Variants in MON2 observed in about 807,000 individuals in gnomAD.
MON2 encodes the protein protein MON2 homolog.
MON2 carries 84 observed loss-of-function variants against 208.6 expected under a neutral mutation model. The observed-to-expected ratio is 0.40, with a 90% confidence interval of 0.34 to 0.48. MON2 has a LOEUF of 0.48. Among genes scored for constraint, MON2 ranks in the 20% least tolerant of loss-of-function variants. The pLI, the probability that MON2 is intolerant of heterozygous loss-of-function variation, is 0.59. For synonymous variants in MON2, 660 were observed against 694.0 expected, an observed-to-expected ratio of 0.95 and a Z score of 0.77; for missense variants, 1,611 against 2,015.4, an observed-to-expected ratio of 0.80 and a Z score of 3.84.
At chr12:62,505,338 A>G (rs894117534) in intron 7 of MON2, among the ~76,000 whole-genome samples, 4 of 152,220 alleles carry the variant, frequency 2.6e-5, no homozygotes, top group African/African-American at 7.2e-5. Context: ...TGTTCCTGGC[A>G]TATAGTTGCT....
chr12:62,467,761 T>C (rs778304776), intron 1 of MON2, among the ~76,000 whole-genome samples: 1 of 152,220 alleles, frequency 6.6e-6, no homozygotes, highest in Non-Finnish European at 1.5e-5. Context: ...ATCATTCAGC[T>C]TAACTCTGTA....
intron 8 of MON2, among the ~76,000 whole-genome samples, chr12:62,510,379 A>C (rs766075894): frequency 6.6e-6 from 1 of 152,222 alleles, no homozygotes; most frequent in African/African-American, 2.4e-5. Flanking sequence ...GATTAAAAAA[A>C]TTCTCAAGAA....
At chr12:62,575,659 A>G (rs1592442782) in intron 30 of MON2, among the ~76,000 whole-genome samples, 2 of 152,232 alleles carry the variant, frequency 1.3e-5, no homozygotes, top group African/African-American at 2.4e-5. Context: ...TTGATCTGCA[A>G]GATGCTTTGG....
chr12:62,552,026 A>C (rs1396468538), intron 23 of MON2, among the ~76,000 whole-genome samples: 1 of 152,164 alleles, frequency 6.6e-6, no homozygotes, highest in African/African-American at 2.4e-5. Context: ...TTTCTTGTCA[A>C]TATTACCTAA....
In MON2 at chr12:62,537,531, G is replaced by T. The variant is rs143100610; in HGVS notation, c.2014-71G>T. On this transcript the variant is annotated intron_variant, in intron 15 of 34. Transcript: ENST00000393630. ...TAAAAAAATCTTTTAACACATTAATGCTACTTTATAAGCTTTTAATTTTTA... is the reference window on the plus strand; with the variant it reads ...TAAAAAAATCTTTTAACACATTAATTCTACTTTATAAGCTTTTAATTTTTA... 9.0e-4 allele frequency: 1,049 copies of T among 1,167,400 alleles called. 7 individuals are homozygous for T. The African/African-American group carries it at 0.014, about 16-fold the overall frequency. The allele number at this position is 1,167,400 out of a possible 1,614,324, so 72.3% of individuals were successfully genotyped here.
At chr12:62,538,041 G>A (rs1467862882) in intron 16 of MON2, 55 bp from the exon 17 acceptor site, 5 of 1,470,658 alleles carry the variant, frequency 3.4e-6, no homozygotes, top group Non-Finnish European at 4.7e-6. Context: ...TTTAGTTATT[G>A]GACCTTTTAT....
At chr12:62,490,849 C>T (rs1241159109) in intron 2 of MON2, among the ~76,000 whole-genome samples, 1 of 152,114 alleles carries the variant, frequency 6.6e-6, no homozygotes, top group Non-Finnish European at 1.5e-5. Context: ...ATTTCTATTA[C>T]TATCGTAAGT....
intron 11 of MON2, among the ~76,000 whole-genome samples, chr12:62,527,482 A>G (rs2072392761): frequency 6.6e-6 from 1 of 152,174 alleles, no homozygotes; most frequent in Non-Finnish European, 1.5e-5. Context: ...TTTGCCTTGT[A>G]CAAAAGGTAA....
At chr12:62,512,834 C>A (rs2071482311) in intron 8 of MON2, among the ~76,000 whole-genome samples, 1 of 152,222 alleles carries the variant, frequency 6.6e-6, no homozygotes, top group African/African-American at 2.4e-5. Flanking sequence ...CCAGATGTTT[C>A]CATACATCTT....
chr12:62,543,243 T>C, intron 20 of MON2, 45 bp downstream of exon 20: 1 of 1,042,822 alleles, frequency 9.6e-7, no homozygotes, highest in Non-Finnish European at 1.4e-6. Context: ...AATAAACATT[T>C]GCACACTGAG....
intron 7 of MON2, among the ~76,000 whole-genome samples, chr12:62,507,849 G>C (rs533945925): frequency 5.9e-5 from 9 of 152,226 alleles, no homozygotes; most frequent in Admixed American, 3.9e-4. Context: ...GCTAACTGCA[G>C]CCTTGACCTC....
At chr12:62,590,118 T>C (rs913441260) in intron 34 of MON2, among the ~76,000 whole-genome samples, 1 of 152,206 alleles carries the variant, frequency 6.6e-6, no homozygotes, top group Admixed American at 6.5e-5. Context: ...TGAGACAGGC[T>C]CTTGCTCTGT....
At chr12:62,470,698 C>T (rs2068751734) in intron 1 of MON2, 2 of 1,139,416 alleles carry the variant, frequency 1.8e-6, no homozygotes, top group East Asian at 7.9e-5. Flanking sequence ...TTCCTATTTG[C>T]AGGTACAGAT....
rs754666160 is a variant in MON2, at chr12:62,595,893, G to A, written c.*3144G>A. On this transcript the variant is annotated 3_prime_UTR_variant, in exon 35 of 35. Transcript: ENST00000393630. Reference sequence around the variant, plus strand: ...TTGTTTTTTCCATTATATGGTTATCGATTCAACTCTTGCTATATTCCTTAA... The same window carrying A: ...TTGTTTTTTCCATTATATGGTTATCAATTCAACTCTTGCTATATTCCTTAA... The A allele has an allele frequency of 3.3e-5, 5 of 151,972 alleles. No individual in the cohort carries two copies. The highest frequency in any genetic ancestry group is 4.8e-5 in the African/African-American group (2 of 41,364). 9.4% of individuals were successfully genotyped at this position (151,972 alleles called of 1,614,324 possible). A position where few individuals can be genotyped will look rare whatever the true frequency, so the allele number is the denominator to read the frequency against.
chr12:62,537,843 A>T, intron 16 of MON2, 137 bp downstream of exon 16: 1 of 740,492 alleles, frequency 1.4e-6, no homozygotes, highest in Admixed American at 3.0e-5. Flanking sequence ...GAAGTTAGAA[A>T]GGGAAAAAGA....
Position 62,513,696 on chromosome 12 carries a change from C to A in MON2, c.984+5216C>A, listed in dbSNP as rs2071535121. ...GTGTGGTGGCTCACGCCTGTAATCC[C>A]AGCACTTTGGGAGGCTGAGGCAGGC... On this transcript the variant is annotated intron_variant, in intron 8 of 34. Transcript: ENST00000393630. Among the ~76,000 whole-genome samples, 2 of 148,728 alleles carry A rather than the reference C, an allele frequency of 1.3e-5. 1 individual carries two copies. Among genetic ancestry groups the A allele is most frequent in the Non-Finnish European group, 3.0e-5 (2 of 66,684 alleles).
chr12:62,565,880 T>C (rs1245714331), intron 27 of MON2, 134 bp from the exon 28 acceptor site: 1 of 743,114 alleles, frequency 1.3e-6, no homozygotes, highest in Non-Finnish European at 2.1e-6. Context: ...TTTAAGTAAA[T>C]TTCTGAATGC....
intron 1 of MON2, among the ~76,000 whole-genome samples, chr12:62,474,955 A>G (rs1199003363): frequency 1.3e-5 from 2 of 152,196 alleles, no homozygotes; most frequent in African/African-American, 2.4e-5. Flanking sequence ...TCCAGATTCT[A>G]TTAGTAACAT....
intron 34 of MON2, chr12:62,588,938 T>G: frequency 7.2e-7 from 1 of 1,383,120 alleles, no homozygotes; most frequent in Non-Finnish European, 9.7e-7. Flanking sequence ...TTCTTTTCAT[T>G]GAATGCAAAG....
Sources: gnomAD v4.1 joint callset for allele counts (sites outside exome capture counted in the v4.1 genomes callset) on GRCh38, gnomAD v4.1.1 for gene constraint, MANE v1.5 for transcripts, NCBI Gene and HGNC (gene_info 2026-07-23, HGNC 2026-07-21) for gene names.